The following CLCN7 variants were observed in gnomAD, a reference collection of about 807,000 sequenced individuals.
CLCN7 encodes the protein H(+)/Cl(-) exchange transporter 7.
CLCN7 carries 60 observed loss-of-function variants against 102.1 expected under a neutral mutation model. The ratio of observed to expected loss-of-function variants is 0.59; its 90% CI spans 0.48 to 0.73. CLCN7 has a LOEUF of 0.73. Among genes scored for constraint, CLCN7 ranks in the 30% least tolerant of loss-of-function variants. CLCN7 has a pLI of 0.00. For missense variants in CLCN7, 962 were observed against 1,125.7 expected (o/e 0.85, Z 2.08); for synonymous variants, 560 against 490.5 (o/e 1.14, Z -1.87).
intron 7 of CLCN7, among the ~76,000 whole-genome samples, chr16:1,458,172 C>A (rs573408187): frequency 6.6e-6 from 1 of 152,240 alleles, no homozygotes; most frequent in Non-Finnish European, 1.5e-5. Flanking sequence ...TGCGGCTCCA[C>A]GATGCCCCCT....
chr16:1,464,969 C>CG (rs2038984809), intron 2 of CLCN7, among the ~76,000 whole-genome samples: 1 of 152,038 alleles, frequency 6.6e-6, no homozygotes, highest in Non-Finnish European at 1.5e-5. Context: ...CCTCACTGCC[C>CG]CCCCAAGATC....
intron 11 of CLCN7, chr16:1,455,490 T>G: frequency 1.5e-6 from 1 of 650,560 alleles, no homozygotes; most frequent in Non-Finnish European, 2.8e-6. Flanking sequence ...CAGGGCTGGG[T>G]TCCCGGCTGT....
chr16:1,457,651 C>A lies in CLCN7; in HGVS notation c.738+43G>T, dbSNP rs369250721. 3 of 1,603,646 alleles carry A rather than the reference C, an allele frequency of 1.9e-6. No individual in the cohort carries two copies. Among genetic ancestry groups the A allele is most frequent in the African/African-American group, 2.7e-5 (2 of 74,868 alleles). ...GGCGTGGCGGCCCTCGCGGGCCCGG[C>A]GGCCTCAGGCTCCAGCTGGAGTGGC... is the stretch of plus-strand genomic sequence containing the variant. On this transcript the variant is annotated intron_variant, in intron 8 of 24. Transcript: ENST00000382745. The surrounding 1 kb of genome is among the most constrained non-coding windows in gnomAD (Gnocchi z 5.4).
intron 13 of CLCN7, 32 bp from the exon 14 acceptor site, chr16:1,453,926 C>G (rs761908230): frequency 1.2e-6 from 2 of 1,611,882 alleles, no homozygotes; most frequent in Non-Finnish European, 1.7e-6. Flanking sequence ...GTCAGCGACA[C>G]CGGAGGAAAA....
At position 1,452,751 on chromosome 16, in the gene CLCN7, C is replaced by T; in HGVS notation, c.1353+4G>A. The T allele has an allele frequency of 1.3e-6, 2 of 1,592,306 alleles. No individual in the cohort carries two copies. The highest frequency in any genetic ancestry group is 8.5e-7 in the Non-Finnish European group (1 of 1,169,872). Reference sequence around the variant, plus strand: ...CTGGACCCCGCCCGGGCCCAGCCTCCCACCTGCAGCGGGTAGGACATGGAG... The same window carrying T: ...CTGGACCCCGCCCGGGCCCAGCCTCTCACCTGCAGCGGGTAGGACATGGAG... On this transcript the variant is annotated splice_donor_region_variant and intron_variant, in intron 15 of 24. Coordinates refer to ENST00000382745, the MANE Select transcript of CLCN7 (RefSeq NM_001287.6).
In CLCN7 at chr16:1,457,126, G is replaced by A. The variant is rs115651189; in HGVS notation, c.822+128C>T. 12 of 898,292 alleles carry A rather than the reference G, an allele frequency of 1.3e-5. No homozygotes were observed. The highest frequency in any genetic ancestry group is 2.0e-5 in the Non-Finnish European group (11 of 550,018). 55.6% of individuals were successfully genotyped at this position (898,292 alleles called of 1,614,324 possible). A position where few individuals can be genotyped will look rare whatever the true frequency, so the allele number is the denominator to read the frequency against. On this transcript the variant is annotated intron_variant, in intron 9 of 24. Transcript: ENST00000382745. This position sits in a 1 kb window ranked among gnomAD's most constrained non-coding sequence, Gnocchi z 5.4. ...TGCCCGCTGGCTCTGGGAGCCACCC[G>A]CCAGGCTGTCCTCAGATGGGGCTGG...
At chr16:1,474,555 G>C (rs1231661237) in intron 1 of CLCN7, among the ~76,000 whole-genome samples, 1 of 152,214 alleles carries the variant, frequency 6.6e-6, no homozygotes, top group South Asian at 2.1e-4. Context: ...CTGCCCCGGC[G>C]CCCCTCAGCG....
chr16:1,470,621 G>T (rs908565636), intron 1 of CLCN7, among the ~76,000 whole-genome samples: 5 of 152,230 alleles, frequency 3.3e-5, no homozygotes, highest in Non-Finnish European at 5.9e-5. Context: ...TGGAGGGCAG[G>T]GAAGGGCAGG....
intron 2 of CLCN7, among the ~76,000 whole-genome samples, chr16:1,464,735 T>C (rs1401089323): frequency 6.6e-6 from 1 of 152,158 alleles, no homozygotes; most frequent in African/African-American, 2.4e-5. Context: ...CACAGACATC[T>C]ACCCAGAGAC....
chr16:1,456,089 T>C (rs2038830945), intron 10 of CLCN7, 24 bp downstream of exon 10: 4 of 1,526,012 alleles, frequency 2.6e-6, no homozygotes, highest in South Asian at 1.2e-5. Flanking sequence ...GGCAAAGCAT[T>C]GGACCCGGTG....
At chr16:1,474,766 TCACGAGGGCGCGGGCTGCGGGGCG>T (rs1009700263) in intron 1 of CLCN7, 44 bp downstream of exon 1, 6 of 1,186,330 alleles carry the variant, frequency 5.1e-6, no homozygotes, top group Non-Finnish European at 4.2e-6. Flanking sequence ...GCCAGAAGGC[TCACGAGGGCGCGGGCTGCGGGGCG>T]CACGAGGGCT....
rs1208788840 is a variant in CLCN7 at position 1,446,551 on chromosome 16, C to A, written c.*80G>T. 3.0e-6 allele frequency: 4 copies of A among 1,324,724 alleles called. No individual in the cohort carries two copies. Among genetic ancestry groups the A allele is most frequent in the African/African-American group, 2.9e-5 (2 of 68,640 alleles). The allele number at this position is 1,324,724 out of a possible 1,614,324, so 82.1% of individuals were successfully genotyped here. ...CACTGCTGGGGAGCATGGTTTGGGC[C>A]GAGAAACCAGTGACTCCGGGAGGAA... On this transcript the variant is annotated 3_prime_UTR_variant, in exon 25 of 25. Transcript: ENST00000382745.
At chr16:1,452,398 G>A (rs560406610) in intron 15 of CLCN7, 35 of 328,062 alleles carry the variant, frequency 1.1e-4, no homozygotes, top group African/African-American at 5.7e-4. Flanking sequence ...GCGGTGAGCC[G>A]TGAGCGCCAG....
At position 1,450,378 on chromosome 16, in the gene CLCN7, C is replaced by T. The variant is rs922106856; in HGVS notation, c.1617+119G>A. ...CCACGCGAGGACAACGCCCACGGCCCGTGAACCACGTGAGGTGCGACACTT... is the reference window on the plus strand; with the variant it reads ...CCACGCGAGGACAACGCCCACGGCCTGTGAACCACGTGAGGTGCGACACTT... On this transcript the variant is annotated intron_variant, in intron 17 of 24. Transcript: ENST00000382745. The T allele has an allele frequency of 2.8e-6, 3 of 1,088,862 alleles. No homozygotes were observed. The highest frequency in any genetic ancestry group is 4.1e-6 in the Non-Finnish European group (3 of 736,506). The allele number at this position is 1,088,862 out of a possible 1,614,324, so 67.5% of individuals were successfully genotyped here. A position where few individuals can be genotyped will look rare whatever the true frequency, so the allele number is the denominator to read the frequency against.
chr16:1,446,295 C>G lies in CLCN7; in HGVS notation c.*336G>C, dbSNP rs2038638466. ...TCTCACGCACACGGGCACAGGCACG[C>G]AGGTGCCGGCCCTGCCGCTGGCTCC... On this transcript the variant is annotated 3_prime_UTR_variant, in exon 25 of 25. Coordinates refer to ENST00000382745, the MANE Select transcript of CLCN7 (RefSeq NM_001287.6). 4 of 698,912 alleles carry G rather than the reference C, an allele frequency of 5.7e-6. No individual in the cohort carries two copies. The East Asian group carries it at 1.1e-4, about 19-fold the overall frequency. The allele number at this position is 698,912 out of a possible 1,614,324, so 43.3% of individuals were successfully genotyped here. A position where few individuals can be genotyped will look rare whatever the true frequency, so the allele number is the denominator to read the frequency against.
chr16:1,467,328 C>T (rs1596229009), intron 1 of CLCN7, among the ~76,000 whole-genome samples: 1 of 152,194 alleles, frequency 6.6e-6, no homozygotes, highest in Non-Finnish European at 1.5e-5. Flanking sequence ...CCCTCCTCTT[C>T]CCCCAGCCTT....
At chr16:1,448,332 C>G (rs1384514602) in intron 21 of CLCN7, 23 bp downstream of exon 21, 1 of 1,612,362 alleles carries the variant, frequency 6.2e-7, no homozygotes, top group Non-Finnish European at 8.5e-7. Context: ...TAGGCAGGAC[C>G]CTGTCTATGG....
At chr16:1,464,358 C>T (rs964823647) in intron 2 of CLCN7, among the ~76,000 whole-genome samples, 1 of 152,236 alleles carries the variant, frequency 6.6e-6, no homozygotes, top group Non-Finnish European at 1.5e-5. Context: ...CCAACTCCTG[C>T]CCCTCCCAAA....
Position 1,447,705 on chromosome 16 carries a change from G to A in CLCN7, c.2023C>T (p.Leu675Phe). ...TGGGAGCGCAGGATCAGGCCCTGGAGCCGGGCAGGCTGCAAGACAGGCCCG... is the reference window on the plus strand; with the variant it reads ...TGGGAGCGCAGGATCAGGCCCTGGAACCGGGCAGGCTGCAAGACAGGCCCG... ...EHADDTQPAR[L>F]QGLILRSQLI... is the part of the protein sequence containing the mutation. Residue 675 changes from leucine (L) to phenylalanine (F), a missense_variant, in exon 22 of 25, where the codon CTC (leucine) becomes TTC (phenylalanine). Coordinates refer to ENST00000382745, the MANE Select transcript of CLCN7 (RefSeq NM_001287.6). The A allele has an allele frequency of 6.4e-7, 1 of 1,554,088 alleles. No individual in the cohort carries two copies. Among genetic ancestry groups the A allele is most frequent in the Non-Finnish European group, 8.7e-7 (1 of 1,149,226 alleles).
Sources: allele counts gnomAD v4.1 joint callset (sites outside exome capture counted in the v4.1 genomes callset), GRCh38; gene constraint gnomAD v4.1.1; non-coding constraint Gnocchi (gnomAD v3.1); transcripts MANE v1.5; gene names NCBI Gene and HGNC (gene_info 2026-07-23, HGNC 2026-07-21).